Variants in ARHGAP22 observed in about 807,000 individuals in gnomAD.
ARHGAP22 encodes Rho GTPase activating protein 22, also known as rho GTPase-activating protein 22.
A neutral mutation model predicts 59.1 loss-of-function variants in ARHGAP22; 48 were observed. The observed-to-expected ratio is 0.81, with a 90% confidence interval of 0.64 to 1.03. The LOEUF (loss-of-function observed/expected upper bound fraction) is 1.03, where lower values mean the gene tolerates loss of function less well. ARHGAP22 is among the 50% of genes least tolerant of loss of function. The pLI, the probability that ARHGAP22 is intolerant of heterozygous loss-of-function variation, is 0.00. For missense variants in ARHGAP22, 1,015 were observed against 958.7 expected (o/e 1.06, Z -0.78); for synonymous variants, 445 against 416.4 (o/e 1.07, Z -0.84).
At chr10:48,518,147 G>A (rs1482791830) in intron 3 of ARHGAP22, among the ~76,000 whole-genome samples, 1 of 152,204 alleles carries the variant, frequency 6.6e-6, no homozygotes, top group African/African-American at 2.4e-5. Context: ...GGAGCCAGAA[G>A]CCTCAAGGTT....
chr10:48,565,417 G>A (rs550037486), intron 2 of ARHGAP22, among the ~76,000 whole-genome samples: 137 of 152,278 alleles, frequency 9.0e-4, no homozygotes, highest in African/African-American at 3.1e-3. Context: ...CCACCAACCC[G>A]GCTGAACCTC....
chr10:48,439,900 C>T, the ARHGAP22 span, among the ~76,000 whole-genome samples: 1 of 152,178 alleles, frequency 6.6e-6, no homozygotes, highest in Non-Finnish European at 1.5e-5. Flanking sequence ...CTCACACTGC[C>T]CTCCTCTGAG....
At chr10:48,439,694 ACAAG>A in the ARHGAP22 span, among the ~76,000 whole-genome samples, 1 of 152,230 alleles carries the variant, frequency 6.6e-6, no homozygotes, top group East Asian at 1.9e-4. Context: ...CTGTTTCAAA[ACAAG>A]CAAGAGGTTT....
chr10:48,495,472 C>A (rs948074274), intron 3 of ARHGAP22, among the ~76,000 whole-genome samples: 6 of 152,216 alleles, frequency 3.9e-5, no homozygotes, highest in Admixed American at 2.0e-4. Flanking sequence ...CAACTGCCCC[C>A]GGTCACCCAA....
rs2062096153 is a variant in ARHGAP22 at position 48,642,537 on chromosome 10, G to GTAGAAAGCTGAAACTGGATCCCTTCCT, written c.52+9670_52+9696dup. 3.3e-5 allele frequency among the ~76,000 whole-genome samples: 5 copies of GTAGAAAGCTGAAACTGGATCCCTTCCT among 152,346 alleles called. No individual in the cohort carries two copies. In the South Asian group the frequency reaches 8.3e-4, roughly 25 times the overall value. ...TGCTGGGAAAACTGGCTAGCCATATGTAGAAAGCTGAAACTGGATCCCTTC... is the reference window on the plus strand; with the variant it reads ...TGCTGGGAAAACTGGCTAGCCATATGTAGAAAGCTGAAACTGGATCCCTTCCTTAGAAAGCTGAAACTGGATCCCTTC... On this transcript the variant is annotated intron_variant, in intron 1 of 9. Transcript: ENST00000435790.
chr10:48,464,496 A>G (rs1402142926), intron 4 of ARHGAP22, among the ~76,000 whole-genome samples: 1 of 152,222 alleles, frequency 6.6e-6, no homozygotes, highest in African/African-American at 2.4e-5. Context: ...TCTAAAGATG[A>G]GCAGGAAGAA....
At chr10:48,654,216 G>A (rs1244495188), upstream of ARHGAP22, among the ~76,000 whole-genome samples, 1 of 152,064 alleles carries the variant, frequency 6.6e-6, no homozygotes, top group African/African-American at 2.4e-5. Context: ...CAGTTCTCCT[G>A]TTTGCTTCTG....
intron 1 of ARHGAP22, among the ~76,000 whole-genome samples, chr10:48,617,429 G>T (rs1248791273): frequency 6.6e-6 from 1 of 151,900 alleles, no homozygotes; most frequent in Non-Finnish European, 1.5e-5. Flanking sequence ...GTGGAATATT[G>T]TCCAGGATAC....
chr10:48,484,264 A>G (rs754795979), intron 3 of ARHGAP22, among the ~76,000 whole-genome samples: 11 of 152,240 alleles, frequency 7.2e-5, no homozygotes, highest in Non-Finnish European at 1.5e-4. Context: ...TAATGACAGT[A>G]TATCTTTTTA....
chr10:48,533,181 G>GT lies in ARHGAP22; in HGVS notation c.322+22281dup, dbSNP rs75585707. On this transcript the variant is annotated intron_variant, in intron 3 of 9. Coordinates refer to ENST00000249601, the MANE Select transcript of ARHGAP22 (RefSeq NM_021226.4). ...CATTTTGCAGACTCATTGTTCTGTTGTTTTTTTTTTTTTTTTTAACTAAGT... is the reference window on the plus strand; with the variant it reads ...CATTTTGCAGACTCATTGTTCTGTTGTTTTTTTTTTTTTTTTTTAACTAAGT... 2.5e-3 allele frequency among the ~76,000 whole-genome samples: 356 copies of GT among 142,456 alleles called. 8 individuals are homozygous for GT. The South Asian group carries it at 0.052, about 21-fold the overall frequency. The allele number at this position is 142,456 out of a possible 152,430, so 93.5% of individuals were successfully genotyped here.
intron 3 of ARHGAP22, chr10:48,493,727 G>A: frequency 1.6e-6 from 2 of 1,233,608 alleles, no homozygotes; most frequent in Non-Finnish European, 2.1e-6. Context: ...AGGACTTGCT[G>A]GGATCCCCGC....
chr10:48,467,767 A>G (rs2047861109), intron 4 of ARHGAP22, among the ~76,000 whole-genome samples: 1 of 152,196 alleles, frequency 6.6e-6, no homozygotes, highest in Admixed American at 6.5e-5. Context: ...GCTAAGCCTG[A>G]GTTTAAGACC....
At position 48,583,036 on chromosome 10, in the gene ARHGAP22, T is replaced by C. The variant is rs779518142; in HGVS notation, c.151A>G (p.Met51Val). 11 of 1,614,156 alleles carry C rather than the reference T, an allele frequency of 6.8e-6. No individual in the cohort carries two copies. The highest frequency in any genetic ancestry group is 9.3e-6 in the Non-Finnish European group (11 of 1,180,050). The change falls in exon 2 of 10, where the codon ATG becomes GTG. Residue 51 changes from methionine to valine, a missense_variant. Transcript: ENST00000249601. ...AGWLKKQRSI[M>V]KNWQQRWFVL... ...AACCAGCGCTGCTGCCAGTTCTTCA[T>C]GATGCTCCTCTGCTTCTTCAGCCAG...
chr10:48,579,726 C>A (rs1170717293), intron 2 of ARHGAP22, among the ~76,000 whole-genome samples: 1 of 152,224 alleles, frequency 6.6e-6, no homozygotes, highest in African/African-American at 2.4e-5. Context: ...GGATATCCTT[C>A]TTCCGGACAG....
At chr10:48,479,827 G>A (rs1206496360) in intron 3 of ARHGAP22, 63 bp from the exon 4 acceptor site, 18 of 1,450,862 alleles carry the variant, frequency 1.2e-5, no homozygotes, top group East Asian at 2.5e-5. Flanking sequence ...CTCCACCGCC[G>A]GCACTAGTCA....
chr10:48,523,481 C>T (rs1419598875), intron 3 of ARHGAP22, among the ~76,000 whole-genome samples: 1 of 152,224 alleles, frequency 6.6e-6, no homozygotes, highest in Admixed American at 6.5e-5. Context: ...GGCTTTGGGC[C>T]CTCTCCAAGA....
the ARHGAP22 span, among the ~76,000 whole-genome samples, chr10:48,433,394 T>A: frequency 3.3e-4 from 50 of 152,382 alleles, no homozygotes; most frequent in African/African-American, 1.2e-3. Context: ...CATTGTGTAC[T>A]ATGTATGGTA....
chr10:48,577,801 G>GTTTTTTTTTT (rs34557935), intron 2 of ARHGAP22, among the ~76,000 whole-genome samples: 3,187 of 59,210 alleles, frequency 0.054, 619 homozygotes, highest in East Asian at 0.13. Flanking sequence ...CTCTTTTTTG[G>GTTTTTTTTTT]TTTTTTTTTT....
intron 4 of ARHGAP22, among the ~76,000 whole-genome samples, chr10:48,461,176 A>G (rs896721964): frequency 2.0e-5 from 3 of 152,098 alleles, no homozygotes; most frequent in African/African-American, 7.3e-5. Context: ...AAATTAGAAG[A>G]CAAAAAAAAT....
Sources: allele counts gnomAD v4.1 joint callset (sites outside exome capture counted in the v4.1 genomes callset), GRCh38; gene constraint gnomAD v4.1.1; transcripts MANE v1.5; gene names NCBI Gene and HGNC (gene_info 2026-07-23, HGNC 2026-07-21).